Variants in YAP1 observed in about 807,000 individuals in gnomAD.
The protein encoded by YAP1 is transcriptional coactivator YAP1.
In YAP1, 5 loss-of-function variants were observed where a neutral mutation model predicts 56.9. That is an observed-to-expected ratio of 0.09 (90% CI 0.05 to 0.18). The LOEUF is 0.18. YAP1 is among the 10% of genes least tolerant of loss of function. The probability of loss-of-function intolerance (pLI) is 1.00; values close to 1 mark genes in which losing one functional copy is unlikely to be tolerated. For missense variants in YAP1, 539 were observed against 651.8 expected (o/e 0.83, Z 1.88); for synonymous variants, 265 against 248.1 (o/e 1.07, Z -0.64).
At chr11:102,216,068 C>T (rs562262041) in intron 6 of YAP1, among the ~76,000 whole-genome samples, 4 of 152,224 alleles carry the variant, frequency 2.6e-5, no homozygotes, top group African/African-American at 9.6e-5. Flanking sequence ...ATGGAAATTT[C>T]GGAAAGTATC....
chr11:102,186,433 G>GTTT, intron 4 of YAP1: 5 of 251,358 alleles, frequency 2.0e-5, no homozygotes, highest in Non-Finnish European at 3.8e-5. Context: ...TTTTTAAAAT[G>GTTT]TTTTTTTTTT....
chr11:102,232,851 G>A lies in YAP1; in HGVS notation c.*2911G>A, dbSNP rs773035874. On this transcript the variant is annotated 3_prime_UTR_variant, in exon 9 of 9. Transcript: ENST00000282441. ...CAGATCTTCCAAAGCACTATTTGTTGTAATAACTTTTCTAAATGTAGTGCC... is the reference window on the plus strand; with the variant it reads ...CAGATCTTCCAAAGCACTATTTGTTATAATAACTTTTCTAAATGTAGTGCC... 8 of 152,568 alleles carry A rather than the reference G, an allele frequency of 5.2e-5. No individual in the cohort carries two copies. Among genetic ancestry groups the A allele is most frequent in the South Asian group, 2.1e-4 (1 of 4,836 alleles). The allele number at this position is 152,568 out of a possible 1,614,324, so 9.5% of individuals were successfully genotyped here. A position where few individuals can be genotyped will look rare whatever the true frequency, so the allele number is the denominator to read the frequency against.
At chr11:102,165,520 G>A (rs1233841017) in intron 3 of YAP1, among the ~76,000 whole-genome samples, 2 of 152,174 alleles carry the variant, frequency 1.3e-5, no homozygotes, top group Non-Finnish European at 2.9e-5. Context: ...AGCGTGACTG[G>A]AGGGTTAGGA....
At chr11:102,122,942 T>G (rs1943769876) in intron 2 of YAP1, among the ~76,000 whole-genome samples, 1 of 145,294 alleles carries the variant, frequency 6.9e-6, no homozygotes, top group Non-Finnish European at 1.5e-5. Flanking sequence ...ATGACCCTCT[T>G]TTCTTTATCT....
intron 2 of YAP1, among the ~76,000 whole-genome samples, chr11:102,128,691 C>T (rs1442256923): frequency 1.3e-5 from 2 of 152,114 alleles, no homozygotes; most frequent in Non-Finnish European, 2.9e-5. Context: ...AGCTGTGACA[C>T]GAGAGTGGTT....
chr11:102,130,537 G>A (rs1301378584), intron 2 of YAP1, among the ~76,000 whole-genome samples: 3 of 151,660 alleles, frequency 2.0e-5, no homozygotes, highest in Non-Finnish European at 4.4e-5. Flanking sequence ...TGAATAGCTG[G>A]GACTACAAGA....
chr11:102,221,848 CATTT>C (rs1333114752), intron 6 of YAP1, among the ~76,000 whole-genome samples: 2 of 151,658 alleles, frequency 1.3e-5, no homozygotes, highest in African/African-American at 2.4e-5. Context: ...GATATGAAAA[CATTT>C]ATATGTTCTA....
At chr11:102,183,873 G>A (rs12793244) in intron 3 of YAP1, among the ~76,000 whole-genome samples, 47,120 of 150,948 alleles carry the variant, frequency 0.31, 7,639 homozygotes, top group Admixed American at 0.4. Flanking sequence ...TCAGGAGATC[G>A]AGACCATCCC....
chr11:102,120,245 A>T (rs1943568089), intron 2 of YAP1, among the ~76,000 whole-genome samples: 1 of 152,220 alleles, frequency 6.6e-6, no homozygotes, highest in African/African-American at 2.4e-5. Context: ...ACCCCTTCTA[A>T]ATGCAAACAA....
chr11:102,116,902 T>A (rs1352266570), intron 2 of YAP1, among the ~76,000 whole-genome samples: 3 of 152,212 alleles, frequency 2.0e-5, no homozygotes, highest in African/African-American at 7.2e-5. Context: ...TCAGGGATTC[T>A]ATGGAGGCCC....
Position 102,231,841 on chromosome 11 carries a change from C to T in YAP1, c.*1901C>T, listed in dbSNP as rs950145791. On this transcript the variant is annotated 3_prime_UTR_variant, in exon 9 of 9. Coordinates refer to ENST00000282441, the MANE Select transcript of YAP1 (RefSeq NM_001130145.3). The stretch of plus-strand genomic sequence containing the variant: ...GCTTGGGAAGATAGATTTTTTTCCC[C>T]CCAATTACAAAATCTAAGTATTTTG... The T allele has an allele frequency of 4.6e-5, 7 of 152,324 alleles. No homozygotes were observed. Among genetic ancestry groups the T allele is most frequent in the African/African-American group, 1.7e-4 (7 of 41,264 alleles). 9.4% of individuals were successfully genotyped at this position (152,324 alleles called of 1,614,324 possible).
chr11:102,126,327 C>G (rs2135198213), intron 2 of YAP1, among the ~76,000 whole-genome samples: 1 of 152,224 alleles, frequency 6.6e-6, no homozygotes, highest in African/African-American at 2.4e-5. Flanking sequence ...GGCTGTGTTC[C>G]CACTGAAATC....
At chr11:102,186,813 A>AGTGTGTGTGTGTGTGTGTGTGT (rs1420505732) in intron 4 of YAP1, 12 of 47,176 alleles carry the variant, frequency 2.5e-4, no homozygotes, top group East Asian at 8.4e-4. Context: ...CTTTTTAAAA[A>AGTGTGTGTGTGTGTGTGTGTGT]ATGTGTGTGT....
intron 2 of YAP1, among the ~76,000 whole-genome samples, chr11:102,131,079 A>G (rs1944345624): frequency 6.6e-6 from 1 of 152,204 alleles, no homozygotes; most frequent in Non-Finnish European, 1.5e-5. Flanking sequence ...ACAGCTTATC[A>G]ATAAGCCAGT....
intron 2 of YAP1, among the ~76,000 whole-genome samples, chr11:102,135,992 C>T (rs1944652999): frequency 6.6e-6 from 1 of 152,164 alleles, no homozygotes; most frequent in African/African-American, 2.4e-5. Context: ...AAAGATGCTG[C>T]AGTGAACATT....
At chr11:102,177,160 T>C (rs533820729) in intron 3 of YAP1, among the ~76,000 whole-genome samples, 118 of 151,870 alleles carry the variant, frequency 7.8e-4, no homozygotes, top group African/African-American at 2.7e-3. Flanking sequence ...TGAGAGAAGA[T>C]TGAATGAGGA....
chr11:102,213,008 G>A (rs1368527468), intron 6 of YAP1, among the ~76,000 whole-genome samples: 1 of 152,216 alleles, frequency 6.6e-6, no homozygotes, highest in African/African-American at 2.4e-5. Flanking sequence ...AGCAGTTAAT[G>A]CTATTTTCTA....
chr11:102,180,122 G>T (rs1411705011), intron 3 of YAP1, among the ~76,000 whole-genome samples: 1 of 148,946 alleles, frequency 6.7e-6, no homozygotes, highest in Non-Finnish European at 1.5e-5. Flanking sequence ...AGATTCTCCT[G>T]CCTCAGCCTC....
chr11:102,174,093 C>A (rs1947083534), intron 3 of YAP1, among the ~76,000 whole-genome samples: 1 of 152,128 alleles, frequency 6.6e-6, no homozygotes, highest in Non-Finnish European at 1.5e-5. Context: ...GCTGATACTG[C>A]TGGTTAAAGG....
Sources: allele counts gnomAD v4.1 joint callset (sites outside exome capture counted in the v4.1 genomes callset), GRCh38; gene constraint gnomAD v4.1.1; transcripts MANE v1.5; gene names NCBI Gene and HGNC (gene_info 2026-07-23, HGNC 2026-07-21).